The following CEP112 variants were observed in gnomAD, a reference collection of about 807,000 sequenced individuals.
CEP112 encodes the protein centrosomal protein 112.
Under a neutral mutation model 153.0 loss-of-function variants are expected in CEP112, and 127 were observed. The observed-to-expected ratio is 0.83, with a 90% CI of 0.72 to 0.96. The LOEUF (loss-of-function observed/expected upper bound fraction) is 0.96. Ranked by LOEUF, CEP112 falls within the 40% of genes least tolerant of loss-of-function variation. CEP112 has a pLI of 0.00. For missense variants in CEP112, 1,089 were observed against 1,101.2 expected (o/e 0.99, Z 0.16); for synonymous variants, 358 against 374.4 (o/e 0.96, Z 0.51).
At chr17:65,762,343 G>C (rs1203420981) in intron 21 of CEP112, among the ~76,000 whole-genome samples, 4 of 151,756 alleles carry the variant, frequency 2.6e-5, no homozygotes, top group Admixed American at 2.6e-4. Flanking sequence ...CAGGTTTCTT[G>C]GAGACAATAT....
chr17:65,640,155 T>TATATA (rs1491163281), intron 25 of CEP112, among the ~76,000 whole-genome samples: 44 of 24,970 alleles, frequency 1.8e-3, no homozygotes, highest in African/African-American at 8.3e-3. Flanking sequence ...TATATATATA[T>TATATA]TTTTTTTTTT....
chr17:65,827,435 T>A (rs918255236), intron 21 of CEP112, among the ~76,000 whole-genome samples: 2 of 152,220 alleles, frequency 1.3e-5, no homozygotes, highest in Admixed American at 1.3e-4. Context: ...TTACTTAAAG[T>A]ATATTTTAAA....
intron 21 of CEP112, among the ~76,000 whole-genome samples, chr17:65,759,736 G>A (rs2052498374): frequency 6.6e-6 from 1 of 152,062 alleles, no homozygotes. Context: ...AAACAAATGA[G>A]GTAAGCGCTC....
intron 20 of CEP112, among the ~76,000 whole-genome samples, chr17:65,857,363 A>G (rs1314637887): frequency 6.6e-6 from 1 of 152,220 alleles, no homozygotes; most frequent in Non-Finnish European, 1.5e-5. Flanking sequence ...TTTAAAATAC[A>G]TTATTGCTAA....
intron 21 of CEP112, among the ~76,000 whole-genome samples, chr17:65,772,512 T>A (rs1320855143): frequency 6.6e-6 from 1 of 151,810 alleles, no homozygotes; most frequent in Non-Finnish European, 1.5e-5. Flanking sequence ...ATAAATCTCT[T>A]AAGTGTTAGA....
At chr17:65,881,171 A>C (rs60508832) in intron 20 of CEP112, among the ~76,000 whole-genome samples, 8,143 of 152,144 alleles carry the variant, frequency 0.054, 351 homozygotes, top group African/African-American at 0.11. Context: ...GAGCCGAGAT[A>C]GCGCCACTGC....
At chr17:65,995,338 C>A (rs2063746381) in intron 17 of CEP112, among the ~76,000 whole-genome samples, 1 of 152,022 alleles carries the variant, frequency 6.6e-6, no homozygotes. Flanking sequence ...TACAGAAGTG[C>A]TCATTTCAAA....
At chr17:66,145,586 C>A (rs577349689) in intron 4 of CEP112, among the ~76,000 whole-genome samples, 11 of 152,194 alleles carry the variant, frequency 7.2e-5, no homozygotes, top group Non-Finnish European at 1.3e-4. Context: ...ATAAAAAGAC[C>A]TTCTTTCCCT....
At chr17:65,714,726 T>TAA in intron 23 of CEP112, among the ~76,000 whole-genome samples, 1 of 152,294 alleles carries the variant, frequency 6.6e-6, no homozygotes, top group South Asian at 2.1e-4. Context: ...TCTGAAAAAT[T>TAA]AAGCAATCCC....
At chr17:66,120,293 T>G (rs930792384) in intron 6 of CEP112, among the ~76,000 whole-genome samples, 2 of 152,042 alleles carry the variant, frequency 1.3e-5, no homozygotes, top group Non-Finnish European at 2.9e-5. Flanking sequence ...CTCCACCTCC[T>G]GGGTTCAAGC....
At chr17:65,654,274 G>A (rs115745223) in intron 24 of CEP112, among the ~76,000 whole-genome samples, 2,495 of 152,222 alleles carry the variant, frequency 0.016, 68 homozygotes, top group African/African-American at 0.056. Context: ...CTTTGATTCT[G>A]AAGTATAAAG....
At chr17:65,986,555 T>C (rs2063413463) in intron 17 of CEP112, among the ~76,000 whole-genome samples, 1 of 152,168 alleles carries the variant, frequency 6.6e-6, no homozygotes, top group Non-Finnish European at 1.5e-5. Flanking sequence ...TAAAGTAAAG[T>C]ACAAATGATG....
chr17:65,951,578 T>G (rs769866491), intron 18 of CEP112, among the ~76,000 whole-genome samples: 2 of 152,182 alleles, frequency 1.3e-5, no homozygotes, highest in Non-Finnish European at 2.9e-5. Context: ...ATCCTATCCT[T>G]TGACTCCTAA....
chr17:66,151,109 T>A (rs2071191679), intron 4 of CEP112, among the ~76,000 whole-genome samples: 1 of 138,860 alleles, frequency 7.2e-6, no homozygotes, highest in South Asian at 2.1e-4. Context: ...ATAAATAATA[T>A]AAAGTTGGCT....
intron 8 of CEP112, among the ~76,000 whole-genome samples, chr17:66,079,349 G>C (rs2067626746): frequency 6.6e-6 from 1 of 152,012 alleles, no homozygotes; most frequent in Non-Finnish European, 1.5e-5. Flanking sequence ...CAAAAAATTA[G>C]AATAAAGTTT....
intron 21 of CEP112, among the ~76,000 whole-genome samples, chr17:65,789,487 C>T (rs2145711775): frequency 6.6e-6 from 1 of 152,288 alleles, no homozygotes; most frequent in African/African-American, 2.4e-5. Flanking sequence ...CTTAATGGGG[C>T]ATACAGTACC....
At chr17:65,679,279 C>T (rs781754993) in intron 24 of CEP112, among the ~76,000 whole-genome samples, 3 of 151,024 alleles carry the variant, frequency 2.0e-5, no homozygotes, top group African/African-American at 2.4e-5. Context: ...ATCATACCAG[C>T]TGTCTGGGAA....
At chr17:65,925,550 C>T (rs1326288531) in intron 19 of CEP112, among the ~76,000 whole-genome samples, 3 of 152,190 alleles carry the variant, frequency 2.0e-5, no homozygotes, top group African/African-American at 7.2e-5. Flanking sequence ...AACGCCTGTG[C>T]TGCTTGATGA....
intron 18 of CEP112, among the ~76,000 whole-genome samples, chr17:65,947,005 ATAAAATGTATTTG>A (rs1032301679): frequency 2.0e-5 from 3 of 152,196 alleles, no homozygotes; most frequent in African/African-American, 7.2e-5. Context: ...GTAGGTACGA[ATAAAATGTATTTG>A]TAAAATGTAT....
Sources: gnomAD v4.1 joint callset for allele counts (sites outside exome capture counted in the v4.1 genomes callset) on GRCh38, gnomAD v4.1.1 for gene constraint, MANE v1.5 for transcripts, NCBI Gene and HGNC (gene_info 2026-07-23, HGNC 2026-07-21) for gene names.